The following POC1A variants were observed in gnomAD, a reference collection of about 807,000 sequenced individuals.
POC1A encodes the protein POC1 centriolar protein homolog A.
A neutral mutation model predicts 47.8 loss-of-function variants in POC1A; 34 were observed. The observed-to-expected ratio is 0.71, with a 90% CI of 0.54 to 0.95. The LOEUF (loss-of-function observed/expected upper bound fraction) is 0.95. Among genes scored for constraint, POC1A ranks in the 40% least tolerant of loss-of-function variants. POC1A has a pLI of 0.00. For synonymous variants in POC1A, 177 were observed against 207.6 expected, an observed-to-expected ratio of 0.85 and a Z score of 1.27; for missense variants, 466 against 528.3, an observed-to-expected ratio of 0.88 and a Z score of 1.16.
intron 9 of POC1A, among the ~76,000 whole-genome samples, chr3:52,099,865 T>C (rs1413154989): frequency 6.6e-6 from 1 of 152,076 alleles, no homozygotes; most frequent in Non-Finnish European, 1.5e-5. Flanking sequence ...GAAAAAGTAA[T>C]GCTCACTAAA....
At chr3:52,089,543 C>G (rs1465986592) in intron 10 of POC1A, among the ~76,000 whole-genome samples, 2 of 152,168 alleles carry the variant, frequency 1.3e-5, no homozygotes, top group Non-Finnish European at 2.9e-5. Flanking sequence ...CTGGACCAAG[C>G]AGGTGAGCTG....
chr3:52,091,169 TA>T (rs1182466427), intron 10 of POC1A, among the ~76,000 whole-genome samples: 1 of 151,664 alleles, frequency 6.6e-6, no homozygotes, highest in Non-Finnish European at 1.5e-5. Flanking sequence ...CCAGAGGGGA[TA>T]GGGGAGGGGT....
chr3:52,075,736 A>C lies in POC1A; in HGVS notation c.*151T>G, dbSNP rs1353759442. 1.5e-6 allele frequency: 1 copy of C among 656,230 alleles called. No individual in the cohort carries two copies. The highest frequency in any genetic ancestry group is 2.8e-6 in the Non-Finnish European group (1 of 357,026). The allele number at this position is 656,230 out of a possible 1,614,324, so 40.7% of individuals were successfully genotyped here. On this transcript the variant is annotated 3_prime_UTR_variant, in exon 11 of 11. Transcript: ENST00000296484. ...TGGAGAGCCTCCTGGTGCAGATAGC[A>C]AGGTGGAGGGCAGAACTGCAAAAAT...
At chr3:52,108,388 G>T (rs552153120) in intron 9 of POC1A, among the ~76,000 whole-genome samples, 1 of 152,168 alleles carries the variant, frequency 6.6e-6, no homozygotes, top group Non-Finnish European at 1.5e-5. Context: ...TCTGGGAGAC[G>T]CCACAGCTCT....
At chr3:52,116,877 C>A (rs1197526832) in intron 9 of POC1A, among the ~76,000 whole-genome samples, 1 of 151,884 alleles carries the variant, frequency 6.6e-6, no homozygotes, top group Non-Finnish European at 1.5e-5. Context: ...ACAGGGAGAC[C>A]CTTTCTCTAC....
rs893246895 is a variant in POC1A at position 52,125,178 on chromosome 3, G to T, written c.817C>A (p.Pro273Thr). The change falls in exon 8 of 11, where the codon CCA becomes ACA. Residue 273 changes from proline to threonine, a missense_variant. Pro to Thr is a conservative substitution (Grantham distance 38). Transcript: ENST00000296484. ...CTTGAAAAGGCAACAGTGGTGGCTG[G>T]TCCCTGGCAGAACAAACAAAAAATA... ...LLYTLHGHQG[P>T]ATTVAFSRTG... 1.2e-6 allele frequency: 2 copies of T among 1,613,324 alleles called. No homozygotes were observed. Among genetic ancestry groups the T allele is most frequent in the Non-Finnish European group, 1.7e-6 (2 of 1,179,434 alleles).
intron 9 of POC1A, among the ~76,000 whole-genome samples, chr3:52,108,060 T>C (rs1375989865): frequency 6.6e-6 from 1 of 152,210 alleles, no homozygotes; most frequent in African/African-American, 2.4e-5. Flanking sequence ...TTATCAAATG[T>C]TCCCTGACTT....
chr3:52,084,977 AG>A lies in POC1A; in HGVS notation c.1126-8993del, dbSNP rs1702411791. Among the ~76,000 whole-genome samples the A allele has an allele frequency of 6.6e-6, 1 of 152,212 alleles. No individual in the cohort carries two copies. Among genetic ancestry groups the A allele is most frequent in the African/African-American group, 2.4e-5 (1 of 41,450 alleles). On this transcript the variant is annotated intron_variant, in intron 10 of 10. Coordinates refer to ENST00000296484, the MANE Select transcript of POC1A (RefSeq NM_015426.5). The surrounding 1 kb of genome is among the most constrained non-coding windows in gnomAD (Gnocchi z 4.3). The stretch of plus-strand genomic sequence containing the variant: ...GGAGCTGCAACTGTCCTGGGTTGGC[AG>A]GTTTGCAGGGAGGCCAGGAGATAAG...
intron 9 of POC1A, among the ~76,000 whole-genome samples, chr3:52,105,505 C>T (rs1448093327): frequency 6.6e-6 from 1 of 152,232 alleles, no homozygotes; most frequent in East Asian, 1.9e-4. Context: ...ACACACCGAG[C>T]TCACGTGGAC....
intron 1 of POC1A, among the ~76,000 whole-genome samples, chr3:52,152,315 A>G (rs1577933682): frequency 6.6e-6 from 1 of 152,160 alleles, no homozygotes; most frequent in East Asian, 1.9e-4. Flanking sequence ...CACGCCTGTA[A>G]TCCCAGCACT....
intron 9 of POC1A, among the ~76,000 whole-genome samples, chr3:52,108,830 T>C (rs1013189556): frequency 7.2e-5 from 11 of 152,210 alleles, no homozygotes; most frequent in Admixed American, 7.2e-4. Flanking sequence ...AGACAGCTGT[T>C]ATGAACCAAG....
At chr3:52,085,154 C>T (rs1282841736) in intron 10 of POC1A, among the ~76,000 whole-genome samples, 2 of 152,152 alleles carry the variant, frequency 1.3e-5, no homozygotes, top group Admixed American at 6.5e-5. Flanking sequence ...CTGGGTTAGT[C>T]GGCGTACCAT....
intron 10 of POC1A, among the ~76,000 whole-genome samples, chr3:52,077,577 T>C (rs1161639062): frequency 6.6e-6 from 1 of 152,170 alleles, no homozygotes; most frequent in African/African-American, 2.4e-5. Context: ...AAAGAGACCA[T>C]CACATTCCCC....
At chr3:52,135,606 G>A (rs1008017783) in intron 7 of POC1A, among the ~76,000 whole-genome samples, 1 of 152,182 alleles carries the variant, frequency 6.6e-6, no homozygotes, top group Non-Finnish European at 1.5e-5. Flanking sequence ...GCATGACAAG[G>A]AGCCACAGCA....
At chr3:52,147,518 C>T (rs144887181) in intron 4 of POC1A, among the ~76,000 whole-genome samples, 1 of 152,118 alleles carries the variant, frequency 6.6e-6, no homozygotes, top group Non-Finnish European at 1.5e-5. Context: ...ACTGCAGCCT[C>T]TACCTCCTGG....
chr3:52,146,884 G>A, intron 5 of POC1A, 104 bp downstream of exon 5: 3 of 900,620 alleles, frequency 3.3e-6, no homozygotes, highest in Non-Finnish European at 5.6e-6. Context: ...TAAGGCTGCT[G>A]GTCCCACGGC....
chr3:52,150,003 G>C lies in POC1A; in HGVS notation c.104-16C>G, dbSNP rs1698504368. 1 of 1,607,880 alleles carries C rather than the reference G, an allele frequency of 6.2e-7. No individual in the cohort carries two copies. The highest frequency in any genetic ancestry group is 1.3e-5 in the African/African-American group (1 of 74,838). On this transcript the variant is annotated splice_polypyrimidine_tract_variant and intron_variant, in intron 2 of 10. Coordinates refer to ENST00000296484, the MANE Select transcript of POC1A (RefSeq NM_015426.5). ...GAGCCACTGGCTGAGGACAGTGGGT[G>C]ATGCTATGACCTACAGCTCTAACAG...
chr3:52,095,859 T>A (rs1288672401), intron 10 of POC1A, among the ~76,000 whole-genome samples: 1 of 152,240 alleles, frequency 6.6e-6, no homozygotes, highest in Non-Finnish European at 1.5e-5. Context: ...CCACCACCTC[T>A]TGTCAAGGGA....
Position 52,103,757 on chromosome 3 carries a change from A to G in POC1A, c.982-7045T>C, listed in dbSNP as rs114657369. The stretch of plus-strand genomic sequence containing the variant: ...AAAAGGATGCTCTACATCATTAATC[A>G]TTAGGATAATGGAAGTTAAAACCAC... On this transcript the variant is annotated intron_variant, in intron 9 of 10. Transcript: ENST00000296484. Among the ~76,000 whole-genome samples the G allele has an allele frequency of 4.6e-3, 707 of 152,306 alleles. 5 individuals are homozygous for G. The highest frequency in any genetic ancestry group is 0.016 in the African/African-American group (685 of 41,558).
Sources: allele counts gnomAD v4.1 joint callset (sites outside exome capture counted in the v4.1 genomes callset), GRCh38; gene constraint gnomAD v4.1.1; non-coding constraint Gnocchi (gnomAD v3.1); transcripts MANE v1.5; gene names NCBI Gene and HGNC (gene_info 2026-07-23, HGNC 2026-07-21).